The following CTNNA2 variants were observed in gnomAD, a reference collection of about 807,000 sequenced individuals.
The protein encoded by CTNNA2 is catenin alpha-2.
Under a neutral mutation model 101.0 loss-of-function variants are expected in CTNNA2, and 42 were observed. The ratio of observed to expected loss-of-function variants is 0.42; its 90% confidence interval spans 0.32 to 0.54. The LOEUF (loss-of-function observed/expected upper bound fraction) is 0.54, where lower values mean the gene tolerates loss of function less well. Among genes scored for constraint, CTNNA2 ranks in the 20% least tolerant of loss-of-function variants. The probability of loss-of-function intolerance (pLI) is 0.14; values close to 1 mark genes in which losing one functional copy is unlikely to be tolerated. For missense variants in CTNNA2, 871 were observed against 1,223.1 expected (o/e 0.71, Z 4.29); for synonymous variants, 450 against 456.4 (o/e 0.99, Z 0.18).
chr2:79,372,846 A>G (rs1677902712), intron 3 of CTNNA2, among the ~76,000 whole-genome samples: 1 of 152,214 alleles, frequency 6.6e-6, no homozygotes, highest in South Asian at 2.1e-4. Flanking sequence ...AAGGTATACA[A>G]TCTTGAAGGA....
intron 7 of CTNNA2, among the ~76,000 whole-genome samples, chr2:80,233,339 G>A (rs1558927466): frequency 6.6e-6 from 1 of 151,976 alleles, no homozygotes; most frequent in Non-Finnish European, 1.5e-5. Flanking sequence ...ATGCCCCCTG[G>A]AAGTGTCGAT....
chr2:79,655,059 G>T (rs1681515050), intron 2 of CTNNA2, among the ~76,000 whole-genome samples: 1 of 152,040 alleles, frequency 6.6e-6, no homozygotes, highest in Non-Finnish European at 1.5e-5. Context: ...TAAAATATTG[G>T]TCTGTGAGAT....
chr2:79,430,843 A>G (rs1678652103), intron 4 of CTNNA2, among the ~76,000 whole-genome samples: 1 of 151,518 alleles, frequency 6.6e-6, no homozygotes, highest in African/African-American at 2.4e-5. Flanking sequence ...AGAAAAAGGT[A>G]TAAAGAAATT....
chr2:80,207,028 A>G (rs1243185112), intron 7 of CTNNA2, among the ~76,000 whole-genome samples: 1 of 152,052 alleles, frequency 6.6e-6, no homozygotes, highest in African/African-American at 2.4e-5. Context: ...CATCGTATTC[A>G]TTTCTGGTTG....
chr2:79,653,344 A>G (rs1251274983), intron 2 of CTNNA2, among the ~76,000 whole-genome samples: 1 of 152,166 alleles, frequency 6.6e-6, no homozygotes, highest in East Asian at 1.9e-4. Context: ...TTCTGCCTGT[A>G]TCAGTCCAAG....
chr2:79,950,434 A>T (rs1360483178), intron 7 of CTNNA2, among the ~76,000 whole-genome samples: 2 of 152,188 alleles, frequency 1.3e-5, no homozygotes, highest in Non-Finnish European at 2.9e-5. Context: ...AACTGTTCAG[A>T]TTTTTGTTAG....
intron 1 of CTNNA2, among the ~76,000 whole-genome samples, chr2:79,568,885 A>AAAAAAG (rs1558737311): frequency 1.6e-5 from 2 of 128,850 alleles, no homozygotes; most frequent in African/African-American, 5.5e-5. Context: ...AAAAAAAAAA[A>AAAAAAG]AAGCCAGGCA....
intron 12 of CTNNA2, among the ~76,000 whole-genome samples, chr2:80,564,829 C>T (rs1223332204): frequency 2.6e-5 from 4 of 152,138 alleles, no homozygotes; most frequent in African/African-American, 9.7e-5. Flanking sequence ...CAGATTAAGC[C>T]AGGGTACTGT....
intron 9 of CTNNA2, among the ~76,000 whole-genome samples, chr2:80,468,214 A>G (rs572829992): frequency 5.3e-5 from 8 of 152,246 alleles, no homozygotes; most frequent in South Asian, 4.1e-4. Flanking sequence ...AGTCTTCTGA[A>G]TACAGTAAAA....
At chr2:80,213,862 G>T (rs1708074965) in intron 7 of CTNNA2, among the ~76,000 whole-genome samples, 1 of 152,068 alleles carries the variant, frequency 6.6e-6, no homozygotes, top group Non-Finnish European at 1.5e-5. Context: ...TCTCTTTGTT[G>T]GTCTCTAAGG....
chr2:80,258,640 A>G (rs868636885), intron 7 of CTNNA2, among the ~76,000 whole-genome samples: 2 of 152,142 alleles, frequency 1.3e-5, no homozygotes, highest in South Asian at 2.1e-4. Context: ...TATTTTTCAC[A>G]TGCAATTCTG....
intron 9 of CTNNA2, among the ~76,000 whole-genome samples, chr2:80,438,424 T>TG (rs1682242505): frequency 1.3e-5 from 2 of 151,924 alleles, no homozygotes; most frequent in South Asian, 2.1e-4. Context: ...TTTGTTAGTT[T>TG]TTTTGTTTTG....
intron 11 of CTNNA2, 143 bp downstream of exon 11, chr2:80,546,206 T>A: frequency 1.0e-6 from 1 of 978,444 alleles, no homozygotes. Flanking sequence ...TCTGCAAATG[T>A]GATTATAACA....
intron 1 of CTNNA2, among the ~76,000 whole-genome samples, chr2:79,529,191 G>A (rs923114988): frequency 1.3e-5 from 2 of 152,146 alleles, no homozygotes; most frequent in African/African-American, 4.8e-5. Context: ...AGTGCATAGA[G>A]GAGGGATGAG....
In CTNNA2 at chr2:79,805,937, C is replaced by CA. The variant is rs112752954; in HGVS notation, c.299-52063dup. On this transcript the variant is annotated intron_variant, in intron 3 of 18. Transcript: ENST00000402739. ...TGGGCGACAGAGCAAGACTGTGTCT[C>CA]AAAAAAAAAAAAAGATAAGTTTATA... is the stretch of plus-strand genomic sequence containing the variant. 8.6e-3 allele frequency among the ~76,000 whole-genome samples: 1,082 copies of CA among 125,964 alleles called. 6 individuals carry two copies. The highest frequency in any genetic ancestry group is 0.017 in the Middle Eastern group (4 of 236). 82.6% of individuals were successfully genotyped at this position (125,964 alleles called of 152,430 possible).
intron 9 of CTNNA2, among the ~76,000 whole-genome samples, chr2:80,484,772 C>T (rs1036278771): frequency 1.1e-4 from 17 of 152,192 alleles, no homozygotes; most frequent in African/African-American, 3.1e-4. Flanking sequence ...TTTGGGAGGC[C>T]AAGGCGGGCG....
At chr2:80,234,726 T>A (rs1709452811) in intron 7 of CTNNA2, among the ~76,000 whole-genome samples, 2 of 151,790 alleles carry the variant, frequency 1.3e-5, no homozygotes, top group African/African-American at 4.8e-5. Flanking sequence ...ATAAAAGGAA[T>A]GAAGAAAGAC....
intron 7 of CTNNA2, among the ~76,000 whole-genome samples, chr2:80,245,548 G>T (rs557820316): frequency 1.4e-4 from 22 of 151,962 alleles, no homozygotes; most frequent in African/African-American, 5.1e-4. Context: ...TGCCTTCTAT[G>T]CCTTTCCTCA....
rs189633034 is a variant in CTNNA2 at position 79,326,473 on chromosome 2, T to A, written c.-318+13677T>A. 6.0e-4 allele frequency among the ~76,000 whole-genome samples: 92 copies of A among 152,272 alleles called. 1 individual carries two copies. The highest frequency in any genetic ancestry group is 1.9e-3 in the African/African-American group (77 of 41,566). Reference sequence around the variant, plus strand: ...CTCTTTATACAACCTAGGTTTTTTTTAAATCTATTTTCTTTCTCCTTTAAA... The same window carrying A: ...CTCTTTATACAACCTAGGTTTTTTTAAAATCTATTTTCTTTCTCCTTTAAA... On this transcript the variant is annotated intron_variant, in intron 3 of 21. Transcript: ENST00000466387.
Sources: allele counts gnomAD v4.1 joint callset (sites outside exome capture counted in the v4.1 genomes callset), GRCh38; gene constraint gnomAD v4.1.1; transcripts MANE v1.5; gene names NCBI Gene and HGNC (gene_info 2026-07-23, HGNC 2026-07-21).